Variants in GPC5 observed in about 807,000 individuals in gnomAD.
GPC5 encodes the protein glypican-5.
A neutral mutation model predicts 53.9 loss-of-function variants in GPC5; 47 were observed. The observed-to-expected ratio is 0.87, with a 90% CI of 0.69 to 1.11. GPC5 has a LOEUF of 1.11. GPC5 is among the 50% of genes most tolerant of loss of function. The pLI, the probability that GPC5 is intolerant of heterozygous loss-of-function variation, is 0.00. For synonymous variants in GPC5, 286 were observed against 263.3 expected, an observed-to-expected ratio of 1.09 and a Z score of -0.84; for missense variants, 748 against 713.1, an observed-to-expected ratio of 1.05 and a Z score of -0.56.
chr13:91,747,890 G>A (rs577771749), intron 4 of GPC5, among the ~76,000 whole-genome samples: 1 of 152,278 alleles, frequency 6.6e-6, no homozygotes, highest in South Asian at 2.1e-4. Context: ...CTTCTCATGA[G>A]TCTTTTTATT....
At chr13:92,382,405 T>C (rs1162625393) in intron 7 of GPC5, among the ~76,000 whole-genome samples, 1 of 152,118 alleles carries the variant, frequency 6.6e-6, no homozygotes, top group Non-Finnish European at 1.5e-5. Flanking sequence ...TTCGCATCTG[T>C]TCTATAATGT....
At chr13:91,417,549 C>A (rs1009553612) in intron 1 of GPC5, among the ~76,000 whole-genome samples, 4 of 152,080 alleles carry the variant, frequency 2.6e-5, no homozygotes, top group African/African-American at 9.7e-5. Flanking sequence ...ATTTTAACAG[C>A]AAAAGGAGGA....
At chr13:92,429,854 T>G (rs1283447218) in intron 7 of GPC5, among the ~76,000 whole-genome samples, 1 of 152,130 alleles carries the variant, frequency 6.6e-6, no homozygotes, top group East Asian at 1.9e-4. Context: ...AGAGAGATGT[T>G]GGTCAAGGAA....
At chr13:92,285,997 A>G (rs1198748559) in intron 7 of GPC5, among the ~76,000 whole-genome samples, 3 of 152,190 alleles carry the variant, frequency 2.0e-5, no homozygotes, top group Non-Finnish European at 4.4e-5. Flanking sequence ...TACTCATCTG[A>G]CAAAGGGCTA....
chr13:92,580,808 T>C (rs935047902), intron 7 of GPC5, among the ~76,000 whole-genome samples: 1 of 152,172 alleles, frequency 6.6e-6, no homozygotes, highest in Admixed American at 6.6e-5. Flanking sequence ...TTCACCTCCA[T>C]GATCCAGTCA....
At chr13:91,983,419 C>T (rs1477499278) in intron 6 of GPC5, among the ~76,000 whole-genome samples, 1 of 152,046 alleles carries the variant, frequency 6.6e-6, no homozygotes, top group Non-Finnish European at 1.5e-5. Context: ...CAAGAGCTTC[C>T]TGGTCAAGTA....
intron 6 of GPC5, among the ~76,000 whole-genome samples, chr13:92,073,593 A>G (rs1285593384): frequency 2.6e-5 from 4 of 152,198 alleles, no homozygotes; most frequent in Non-Finnish European, 5.9e-5. Flanking sequence ...TGACTTTCCT[A>G]CGTGAATCTT....
At chr13:92,132,394 T>C (rs535356248) in intron 6 of GPC5, among the ~76,000 whole-genome samples, 12 of 152,204 alleles carry the variant, frequency 7.9e-5, no homozygotes, top group Non-Finnish European at 1.2e-4. Flanking sequence ...CACCAAAAAT[T>C]TATTGTGTCA....
intron 6 of GPC5, among the ~76,000 whole-genome samples, chr13:92,025,773 A>G (rs2040796237): frequency 6.6e-6 from 1 of 152,200 alleles, no homozygotes; most frequent in Non-Finnish European, 1.5e-5. Flanking sequence ...ATATACAACC[A>G]TAATTCAATA....
intron 6 of GPC5, among the ~76,000 whole-genome samples, chr13:91,993,190 T>G (rs1396868082): frequency 6.6e-6 from 1 of 152,186 alleles, no homozygotes; most frequent in East Asian, 1.9e-4. Flanking sequence ...AGAACACAGC[T>G]CTGTTGGATG....
intron 7 of GPC5, among the ~76,000 whole-genome samples, chr13:92,551,604 T>C (rs1882315024): frequency 6.6e-6 from 1 of 151,890 alleles, no homozygotes; most frequent in Non-Finnish European, 1.5e-5. Context: ...GTTTTTATTT[T>C]GATTTAGATT....
intron 6 of GPC5, among the ~76,000 whole-genome samples, chr13:91,965,887 T>G (rs2040176158): frequency 6.6e-6 from 1 of 152,196 alleles, no homozygotes; most frequent in South Asian, 2.1e-4. Context: ...AATAAGTCCA[T>G]TGGGTTATCA....
At chr13:91,670,789 C>A (rs2139671567) in intron 2 of GPC5, among the ~76,000 whole-genome samples, 1 of 152,294 alleles carries the variant, frequency 6.6e-6, no homozygotes, top group South Asian at 2.1e-4. Context: ...GCGGCTTCAG[C>A]ATTACTGTCT....
At chr13:92,769,822 A>G (rs905493916) in intron 7 of GPC5, among the ~76,000 whole-genome samples, 1 of 152,256 alleles carries the variant, frequency 6.6e-6, no homozygotes, top group African/African-American at 2.4e-5. Context: ...ATGACAGTTT[A>G]CTGCCCATTA....
rs181753596 is a variant in GPC5, at chr13:92,067,140, A to G, written c.1402-77690A>G. On this transcript the variant is annotated intron_variant, in intron 6 of 7. Coordinates refer to ENST00000377067, the MANE Select transcript of GPC5 (RefSeq NM_004466.6). ...TTTAAACATCCTATAAAAGCATTGC[A>G]AAAGTTTATGTAGCTGGTTAAAATA... 1.1e-3 allele frequency among the ~76,000 whole-genome samples: 174 copies of G among 152,224 alleles called. 2 individuals carry two copies. Among genetic ancestry groups the G allele is most frequent in the African/African-American group, 3.7e-3 (155 of 41,572 alleles).
intron 2 of GPC5, among the ~76,000 whole-genome samples, chr13:91,449,325 T>G (rs1429756691): frequency 1.3e-5 from 2 of 152,280 alleles, no homozygotes; most frequent in East Asian, 3.9e-4. Context: ...ACTAAAAATT[T>G]TTTTTGGATG....
At chr13:92,040,692 G>T (rs138123554) in intron 6 of GPC5, among the ~76,000 whole-genome samples, 331 of 152,124 alleles carry the variant, frequency 2.2e-3, no homozygotes, top group African/African-American at 7.7e-3. Flanking sequence ...CTCCTGATTC[G>T]CCAAAAATTG....
chr13:91,539,418 C>T (rs1487919220), intron 2 of GPC5, among the ~76,000 whole-genome samples: 2 of 152,166 alleles, frequency 1.3e-5, no homozygotes, highest in Non-Finnish European at 2.9e-5. Flanking sequence ...ACTTTAGTCT[C>T]TGTGGGTTTC....
At chr13:91,802,977 A>T (rs1269463398) in intron 5 of GPC5, among the ~76,000 whole-genome samples, 2 of 152,196 alleles carry the variant, frequency 1.3e-5, no homozygotes, top group East Asian at 3.9e-4. Context: ...AGAGTAAATA[A>T]TGTAGTAGAA....
Sources: allele counts gnomAD v4.1 joint callset (sites outside exome capture counted in the v4.1 genomes callset), GRCh38; gene constraint gnomAD v4.1.1; transcripts MANE v1.5; gene names NCBI Gene and HGNC (gene_info 2026-07-23, HGNC 2026-07-21).